TGFB2: variants seen among roughly 807,000 people sequenced by gnomAD.
TGFB2 encodes the protein transforming growth factor beta-2 proprotein.
In TGFB2, 13 loss-of-function variants were observed where a neutral mutation model predicts 42.7. The ratio of observed to expected loss-of-function variants is 0.30; its 90% CI spans 0.20 to 0.48. The LOEUF is 0.48. TGFB2 is among the 20% of genes least tolerant of loss of function. TGFB2 has a pLI of 0.99. For missense variants in TGFB2, 390 were observed against 517.5 expected, an observed-to-expected ratio of 0.75 and a Z score of 2.39; for synonymous variants, 193 against 193.6, an observed-to-expected ratio of 1.00 and a Z score of 0.03.
chr1:218,395,611 C>CTT (rs35666134), intron 1 of TGFB2, among the ~76,000 whole-genome samples: 564 of 138,616 alleles, frequency 4.1e-3, no homozygotes, highest in Middle Eastern at 0.015. Flanking sequence ...TTTTCTTTTT[C>CTT]TTTTTTTTTT....
intron 5 of TGFB2, among the ~76,000 whole-genome samples, chr1:218,436,765 A>G (rs1659984621): frequency 1.3e-5 from 2 of 152,218 alleles, no homozygotes; most frequent in African/African-American, 2.4e-5. Flanking sequence ...GAAGTGCTCA[A>G]AATGTCAGAG....
chr1:218,434,449 G>T lies in TGFB2; in HGVS notation c.754+1G>T. On this transcript the variant is annotated splice_donor_variant, in intron 4 of 6. Coordinates refer to ENST00000366930, the MANE Select transcript of TGFB2 (RefSeq NM_003238.6). LOFTEE classifies it high-confidence loss of function. ...GAAGAACTAGAAGCAAGATTTGCAG[G>T]TAACCAAAACTTGGTCATATGAGGT... 6.3e-7 allele frequency: 1 copy of T among 1,595,456 alleles called. No individual in the cohort carries two copies. Among genetic ancestry groups the T allele is most frequent in the Non-Finnish European group, 8.6e-7 (1 of 1,163,712 alleles).
At chr1:218,400,586 G>A (rs146583386) in intron 1 of TGFB2, among the ~76,000 whole-genome samples, 6 of 152,064 alleles carry the variant, frequency 3.9e-5, no homozygotes, top group African/African-American at 1.4e-4. Context: ...GGATTAAGAG[G>A]GTGCATGAAA....
intron 2 of TGFB2, among the ~76,000 whole-genome samples, chr1:218,406,589 G>C (rs556166019): frequency 2.6e-5 from 4 of 152,328 alleles, no homozygotes; most frequent in South Asian, 4.1e-4. Context: ...ATGAATAGTG[G>C]TACTTGCATA....
intron 1 of TGFB2, among the ~76,000 whole-genome samples, chr1:218,400,183 C>A (rs1200295554): frequency 6.6e-6 from 1 of 151,872 alleles, no homozygotes; most frequent in Non-Finnish European, 1.5e-5. Context: ...TTTGCAGAAT[C>A]CTTTTTCAAT....
In TGFB2 at chr1:218,353,636, C is replaced by T. The variant is rs1312380987; in HGVS notation, c.346+6589C>T. Among the ~76,000 whole-genome samples, 3 of 152,304 alleles carry T rather than the reference C, an allele frequency of 2.0e-5. No individual in the cohort carries two copies. The East Asian group carries it at 5.8e-4, about 29-fold the overall frequency. ...CTTCTGCCTGGTGTGGTGGCCCACGCCTATAATCTTAGCACTTTAGGAAGC... is the reference window on the plus strand; with the variant it reads ...CTTCTGCCTGGTGTGGTGGCCCACGTCTATAATCTTAGCACTTTAGGAAGC... On this transcript the variant is annotated intron_variant, in intron 1 of 6. Transcript: ENST00000366930.
intron 1 of TGFB2, among the ~76,000 whole-genome samples, chr1:218,378,477 ATT>A (rs951436996): frequency 7.3e-5 from 11 of 150,416 alleles, no homozygotes; most frequent in Admixed American, 7.3e-4. Flanking sequence ...GCACCCGGCC[ATT>A]TTTTGGGTAT....
At chr1:218,408,140 T>G (rs1658974468) in intron 2 of TGFB2, among the ~76,000 whole-genome samples, 1 of 152,204 alleles carries the variant, frequency 6.6e-6, no homozygotes, top group African/African-American at 2.4e-5. Context: ...TAGGTCCTGT[T>G]ACCTGTAATG....
intron 1 of TGFB2, among the ~76,000 whole-genome samples, chr1:218,352,505 T>A (rs1417030044): frequency 6.6e-6 from 1 of 152,210 alleles, no homozygotes; most frequent in Non-Finnish European, 1.5e-5. Flanking sequence ...GATTTAATAA[T>A]ATGTTAGGGG....
chr1:218,360,523 G>A (rs1028158242), intron 1 of TGFB2, among the ~76,000 whole-genome samples: 1 of 152,124 alleles, frequency 6.6e-6, no homozygotes, highest in Non-Finnish European at 1.5e-5. Context: ...GTGGGGATGG[G>A]GTAGGGAGAG....
At chr1:218,378,069 G>A (rs371894866) in intron 1 of TGFB2, among the ~76,000 whole-genome samples, 35 of 152,190 alleles carry the variant, frequency 2.3e-4, no homozygotes, top group African/African-American at 7.7e-4. Context: ...GCCGCCTCCC[G>A]GGTTCAAGCA....
intron 4 of TGFB2, 25 bp downstream of exon 4, chr1:218,434,473 G>T (rs1048351582): frequency 5.6e-6 from 8 of 1,430,748 alleles, no homozygotes; most frequent in African/African-American, 1.4e-5. Context: ...GTCATATGAG[G>T]TGGGGGAGGG....
At chr1:218,424,710 AATCTGACTT>A (rs1231974422) in intron 2 of TGFB2, among the ~76,000 whole-genome samples, 1 of 152,234 alleles carries the variant, frequency 6.6e-6, no homozygotes, top group Non-Finnish European at 1.5e-5. Context: ...GGAGTGGAAA[AATCTGACTT>A]AACAACAGTT....
intron 1 of TGFB2, among the ~76,000 whole-genome samples, chr1:218,395,580 C>T (rs1658479395): frequency 6.6e-6 from 1 of 151,734 alleles, no homozygotes; most frequent in Admixed American, 6.6e-5. Flanking sequence ...ATTTTACTTT[C>T]CTCACTCTTG....
intron 6 of TGFB2, among the ~76,000 whole-genome samples, chr1:218,438,895 T>A (rs1459919388): frequency 2.6e-5 from 4 of 151,952 alleles, no homozygotes; most frequent in Non-Finnish European, 5.9e-5. Context: ...GATCACGAGG[T>A]CAGGAGTTCA....
At chr1:218,348,035 G>A (rs1005810985) in intron 1 of TGFB2, among the ~76,000 whole-genome samples, 6 of 150,370 alleles carry the variant, frequency 4.0e-5, no homozygotes, top group African/African-American at 1.5e-4. Flanking sequence ...CAGAGGAAGG[G>A]AACAGACAGT....
chr1:218,423,731 G>A (rs1659530020), intron 2 of TGFB2, among the ~76,000 whole-genome samples: 1 of 152,140 alleles, frequency 6.6e-6, no homozygotes, highest in African/African-American at 2.4e-5. Flanking sequence ...TTATTCACTA[G>A]GCATTAGAAG....
At chr1:218,396,140 G>T (rs1457391064) in intron 1 of TGFB2, among the ~76,000 whole-genome samples, 1 of 152,120 alleles carries the variant, frequency 6.6e-6, no homozygotes, top group East Asian at 1.9e-4. Context: ...AGTGCATTGT[G>T]GTTAGACCAT....
intron 1 of TGFB2, among the ~76,000 whole-genome samples, chr1:218,395,836 G>A (rs550331533): frequency 3.3e-5 from 5 of 152,068 alleles, no homozygotes; most frequent in Admixed American, 3.3e-4. Flanking sequence ...GGATGGTCTC[G>A]ATCTCCTGAC....
Sources: allele counts gnomAD v4.1 joint callset (sites outside exome capture counted in the v4.1 genomes callset), GRCh38; gene constraint gnomAD v4.1.1; transcripts MANE v1.5; gene names NCBI Gene and HGNC (gene_info 2026-07-23, HGNC 2026-07-21).